NAT14: variants seen among roughly 807,000 people sequenced by gnomAD.
NAT14 encodes probable N-acetyltransferase 14.
In NAT14, 14 loss-of-function variants were observed where a neutral mutation model predicts 12.1. The observed-to-expected ratio is 1.16, with a 90% confidence interval of 0.76 to 1.81. The LOEUF (loss-of-function observed/expected upper bound fraction) is 1.81. Ranked by LOEUF, NAT14 falls within the 40% of genes most tolerant of loss-of-function variation. The pLI is 0.00. For missense variants in NAT14, 341 were observed against 304.3 expected (o/e 1.12, Z -0.90); for synonymous variants, 156 against 145.1 (o/e 1.08, Z -0.54).
rs1263182203 is a variant in NAT14, at chr19:55,486,893, G to C, written c.558G>C (p.Gln186His). The C allele has an allele frequency of 6.5e-7, 1 of 1,549,452 alleles. No homozygotes were observed. Among genetic ancestry groups the C allele is most frequent in the Non-Finnish European group, 8.7e-7 (1 of 1,155,170 alleles). Residue 186 changes from glutamine to histidine, a missense_variant, in exon 3 of 3, where the codon CAG becomes CAC. Physicochemically the swap from Gln to His is conservative, Grantham distance 24. Coordinates refer to ENST00000205194, the MANE Select transcript of NAT14 (RefSeq NM_020378.4). ...GGATGCTGGAGGGCTGTGGCTACCAGGCCGAGGGGGGCTGGGGCTGCCTGG... is the reference window on the plus strand; with the variant it reads ...GGATGCTGGAGGGCTGTGGCTACCACGCCGAGGGGGGCTGGGGCTGCCTGG... ...VGGMLEGCGY[Q>H]AEGGWGCLGY...
Position 55,486,696 on chromosome 19 carries a change from G to T in NAT14, c.361G>T (p.Asp121Tyr). ...LALAPGTNAG[D>Y]GARVTRLSVS... ...TCTGGCCCCTGGCACAAATGCAGGG[G>T]ACGGGGCCCGGGTCACCCGCCTGTC... is the stretch of plus-strand genomic sequence containing the variant. Residue 121 changes from aspartate to tyrosine, a missense_variant, in exon 3 of 3, where the codon GAC becomes TAC. Coordinates refer to ENST00000205194, the MANE Select transcript of NAT14 (RefSeq NM_020378.4). The T allele has an allele frequency of 7.0e-7, 1 of 1,428,934 alleles. No individual in the cohort carries two copies. Among genetic ancestry groups the T allele is most frequent in the Non-Finnish European group, 9.1e-7 (1 of 1,102,854 alleles). 88.5% of individuals were successfully genotyped at this position (1,428,934 alleles called of 1,614,324 possible).
At position 55,486,735 on chromosome 19, in the gene NAT14, C is replaced by A; in HGVS notation, c.400C>A (p.His134Asn). 7.1e-7 allele frequency: 1 copy of A among 1,414,832 alleles called. No individual in the cohort carries two copies. The highest frequency in any genetic ancestry group is 1.5e-5 in the African/African-American group (1 of 65,840). The allele number at this position is 1,414,832 out of a possible 1,614,324, so 87.6% of individuals were successfully genotyped here. Residue 134 changes from histidine to asparagine, a missense_variant, in exon 3 of 3, where the codon CAC becomes AAC. Physicochemically the swap from His to Asn is moderately conservative, Grantham distance 68. Transcript: ENST00000205194. ...RVTRLSVSRWHRRRGVGRRLL... is the reference protein window; with the variant it reads ...RVTRLSVSRWNRRRGVGRRLL... Reference sequence around the variant, plus strand: ...CACCCGCCTGTCTGTCTCTCGCTGGCACCGCCGCCGGGGCGTGGGCAGGAG... The same window carrying A: ...CACCCGCCTGTCTGTCTCTCGCTGGAACCGCCGCCGGGGCGTGGGCAGGAG...
chr19:55,487,408 C>T lies in NAT14; in HGVS notation c.*452C>T. 2.5e-6 allele frequency: 1 copy of T among 404,708 alleles called. No individual in the cohort carries two copies. Among genetic ancestry groups the T allele is most frequent in the East Asian group, 3.6e-5 (1 of 28,104 alleles). The allele number at this position is 404,708 out of a possible 1,614,324, so 25.1% of individuals were successfully genotyped here. A position where few individuals can be genotyped will look rare whatever the true frequency, so the allele number is the denominator to read the frequency against. Reference sequence around the variant, plus strand: ...ACCTGGATTGGGTCAGATGCCTGTCCTTGGAGGGGACAAGGTTGACTGCTT... The same window carrying T: ...ACCTGGATTGGGTCAGATGCCTGTCTTTGGAGGGGACAAGGTTGACTGCTT... On this transcript the variant is annotated 3_prime_UTR_variant, in exon 3 of 3. Transcript: ENST00000205194.
intron 2 of NAT14, chr19:55,486,095 A>C (rs1398561138): frequency 3.6e-6 from 2 of 553,718 alleles, no homozygotes; most frequent in Admixed American, 6.4e-5. Flanking sequence ...CAGCACCCCA[A>C]CCTAGCCCAG....
chr19:55,486,356 G>C, intron 2 of NAT14, 52 bp from the exon 3 acceptor site: 2 of 1,399,322 alleles, frequency 1.4e-6, no homozygotes, highest in Non-Finnish European at 1.8e-6. Flanking sequence ...TCCTCTCTTT[G>C]TCCAGGAGGC....
Position 55,486,799 on chromosome 19 carries a change from C to A in NAT14, c.464C>A (p.Ala155Asp). The stretch of plus-strand genomic sequence containing the variant: ...GCGGAGGCCCGGGCTCGGGCCTGGG[C>A]TGGGGGCATGGGGGAGCCCCGGGCC... ...AFAEARARAW[A>D]GGMGEPRARL... The change falls in exon 3 of 3, where the codon GCT (alanine) becomes GAT (aspartate). Residue 155 changes from alanine to aspartate, a missense_variant. Physicochemically the swap from Ala to Asp is moderately radical, Grantham distance 126. Coordinates refer to ENST00000205194, the MANE Select transcript of NAT14 (RefSeq NM_020378.4). The A allele has an allele frequency of 6.8e-7, 1 of 1,478,682 alleles. No individual in the cohort carries two copies. Among genetic ancestry groups the A allele is most frequent in the Non-Finnish European group, 8.9e-7 (1 of 1,122,528 alleles). The allele number at this position is 1,478,682 out of a possible 1,614,324, so 91.6% of individuals were successfully genotyped here.
intron 2 of NAT14, 57 bp downstream of exon 2, chr19:55,485,837 T>C: frequency 7.5e-7 from 1 of 1,325,044 alleles, no homozygotes. Context: ...GAATTGCAAG[T>C]GGATTCAGCC....
chr19:55,486,646 C>G lies in NAT14; in HGVS notation c.311C>G (p.Ser104Cys). The G allele has an allele frequency of 6.6e-7, 1 of 1,505,102 alleles. No individual in the cohort carries two copies. Among genetic ancestry groups the G allele is most frequent in the Non-Finnish European group, 8.8e-7 (1 of 1,137,538 alleles). The allele number at this position is 1,505,102 out of a possible 1,614,324, so 93.2% of individuals were successfully genotyped here. A position where few individuals can be genotyped will look rare whatever the true frequency, so the allele number is the denominator to read the frequency against. Residue 104 changes from serine (S) to cysteine (C), a missense_variant, in exon 3 of 3, where the codon TCC becomes TGC. Ser to Cys is a moderately radical substitution (Grantham distance 112). Transcript: ENST00000205194. ...LGGPWVAVRGSGDVCGVLALA... is the reference protein window; with the variant it reads ...LGGPWVAVRGCGDVCGVLALA... ...GGCCCCTGGGTGGCCGTGCGGGGCT[C>G]CGGTGACGTGTGTGGGGTCCTGGCT...
rs1354894715 is a variant in NAT14, at chr19:55,486,709, T to TCA, written c.376_377dup (p.Arg127ProfsTer74). ...ACAAATGCAGGGGACGGGGCCCGGGTCACCCGCCTGTCTGTCTCTCGCTGG... is the reference window on the plus strand; with the variant it reads ...ACAAATGCAGGGGACGGGGCCCGGGTCACACCCGCCTGTCTGTCTCTCGCTGG... On this transcript the variant is annotated frameshift_variant, in exon 3 of 3. Coordinates refer to ENST00000205194, the MANE Select transcript of NAT14 (RefSeq NM_020378.4). LOFTEE classifies it high-confidence loss of function. 2 of 1,417,058 alleles carry TCA rather than the reference T, an allele frequency of 1.4e-6. No homozygotes were observed. Among genetic ancestry groups the TCA allele is most frequent in the African/African-American group, 3.0e-5 (2 of 65,664 alleles). 87.8% of individuals were successfully genotyped at this position (1,417,058 alleles called of 1,614,324 possible).
At chr19:55,486,207 C>A in intron 2 of NAT14, 3 of 696,436 alleles carry the variant, frequency 4.3e-6, no homozygotes, top group Non-Finnish European at 6.6e-6. Context: ...GCCCCCACAG[C>A]TCCTAATTCA....
Position 55,485,270 on chromosome 19 carries a change from T to C in NAT14, c.-49+12T>C, listed in dbSNP as rs372946989. On this transcript the variant is annotated intron_variant, in intron 1 of 2. Coordinates refer to ENST00000205194, the MANE Select transcript of NAT14 (RefSeq NM_020378.4). ...GGCGACCGGTGCAGGTGCTTGCTGG[T>C]CCTTGTTCTTGTGGCGCGGGACGGG... 1.2e-3 allele frequency: 198 copies of C among 169,904 alleles called. 2 individuals carry two copies. The highest frequency in any genetic ancestry group is 4.4e-3 in the African/African-American group (185 of 42,238). The allele number at this position is 169,904 out of a possible 1,614,324, so 10.5% of individuals were successfully genotyped here.
Position 55,486,585 on chromosome 19 carries a change from C to G in NAT14, c.250C>G (p.Arg84Gly), listed in dbSNP as rs745548626. Residue 84 changes from arginine to glycine, a missense_variant, in exon 3 of 3, where the codon CGA becomes GGA. Transcript: ENST00000205194. The stretch of plus-strand genomic sequence containing the variant: ...CGCCGTGAAGCTGGGCCTGCGGGCC[C>G]GATGGGGCTCGCTGCCTCCGCCGGG... The part of the protein sequence containing the change: ...VAAVKLGLRA[R>G]WGSLPPPGGL... The G allele has an allele frequency of 2.5e-6, 4 of 1,571,446 alleles. No individual in the cohort carries two copies. The Admixed American group carries it at 7.1e-5, about 28-fold the overall frequency.
chr19:55,485,612 TG>T, intron 1 of NAT14, 48 bp from the exon 2 acceptor site: 1 of 1,021,402 alleles, frequency 9.8e-7, no homozygotes, highest in East Asian at 2.6e-5. Context: ...GGGGGAGCTT[TG>T]GGGACAGAGG....
rs778131247 is a variant in NAT14 at position 55,486,654 on chromosome 19, G to A, written c.319G>A (p.Val107Met). 3.4e-6 allele frequency: 5 copies of A among 1,490,198 alleles called. No individual in the cohort carries two copies. The highest frequency in any genetic ancestry group is 4.4e-6 in the Non-Finnish European group (5 of 1,131,152). 92.3% of individuals were successfully genotyped at this position (1,490,198 alleles called of 1,614,324 possible). Residue 107 changes from valine to methionine, a missense_variant, in exon 3 of 3, where the codon GTG (valine) becomes ATG (methionine). Transcript: ENST00000205194. ...GGTGGCCGTGCGGGGCTCCGGTGAC[G>A]TGTGTGGGGTCCTGGCTCTGGCCCC... Reference protein sequence around the residue: ...PWVAVRGSGDVCGVLALAPGT... With the variant: ...PWVAVRGSGDMCGVLALAPGT...
chr19:55,486,192 T>G, intron 2 of NAT14: 2 of 635,048 alleles, frequency 3.1e-6, no homozygotes, highest in East Asian at 6.0e-5. Context: ...GCTACTGAAT[T>G]GAGTGCCCCC....
Position 55,487,098 on chromosome 19 carries a change from GGGAGGAGCCT to G in NAT14, c.*145_*154del. Reference sequence around the variant, plus strand: ...GGCCCAGAAACAGAGGCCTGCCGAGGGGAGGAGCCTGGCCTCTGTCCACCCGTCAGCAGTG... The same window carrying G: ...GGCCCAGAAACAGAGGCCTGCCGAGGGGCCTCTGTCCACCCGTCAGCAGTG... On this transcript the variant is annotated 3_prime_UTR_variant, in exon 3 of 3. Transcript: ENST00000205194. 3 of 1,310,546 alleles carry G rather than the reference GGGAGGAGCCT, an allele frequency of 2.3e-6. No individual in the cohort carries two copies. The highest frequency in any genetic ancestry group is 3.0e-6 in the Non-Finnish European group (3 of 996,488). The allele number at this position is 1,310,546 out of a possible 1,614,324, so 81.2% of individuals were successfully genotyped here. A position where few individuals can be genotyped will look rare whatever the true frequency, so the allele number is the denominator to read the frequency against.
Position 55,485,736 on chromosome 19 carries a change from GAGATGAGGGA to G in NAT14, c.36_45del (p.Glu13SerfsTer8), listed in dbSNP as rs777070927. 16 of 1,551,144 alleles carry G rather than the reference GAGATGAGGGA, an allele frequency of 1.0e-5. No homozygotes were observed. Among genetic ancestry groups the G allele is most frequent in the Non-Finnish European group, 1.4e-5 (16 of 1,146,752 alleles). On this transcript the variant is annotated frameshift_variant, in exon 2 of 3. Coordinates refer to ENST00000205194, the MANE Select transcript of NAT14 (RefSeq NM_020378.4). LOFTEE classifies it high-confidence loss of function. ...GGCCCCCAGCCACCTGTCAGTGCGG[GAGATGAGGGA>G]AGATGAGAAGCCCCTGGTGCTGGAG... is the stretch of plus-strand genomic sequence containing the variant.
intron 2 of NAT14, 128 bp downstream of exon 2, chr19:55,485,908 C>A: frequency 5.4e-6 from 4 of 741,964 alleles, no homozygotes; most frequent in South Asian, 1.6e-5. Flanking sequence ...TCCTCCTGAG[C>A]CTCAGCCGCC....
rs1166160703 is a variant in NAT14 at position 55,486,501 on chromosome 19, C to T, written c.166C>T (p.Arg56Cys). Residue 56 changes from arginine (R) to cysteine (C), a missense_variant, in exon 3 of 3, where the codon CGC becomes TGC. Arg to Cys is a radical substitution (Grantham distance 180, BLOSUM62 -3). Coordinates refer to ENST00000205194, the MANE Select transcript of NAT14 (RefSeq NM_020378.4). ...CCTGGCGGCGGCCAGCAGCGGCCTG[C>T]GCTTTGTCCTGGCTTCCTTCGCCCT... is the stretch of plus-strand genomic sequence containing the variant. Reference protein sequence around the residue: ...LLLAAASSGLRFVLASFALAL... With the variant: ...LLLAAASSGLCFVLASFALAL... 11 of 1,578,824 alleles carry T rather than the reference C, an allele frequency of 7.0e-6. No individual in the cohort carries two copies. The highest frequency in any genetic ancestry group is 2.7e-5 in the African/African-American group (2 of 72,798).
Sources: gnomAD v4.1 joint callset for allele counts on GRCh38, gnomAD v4.1.1 for gene constraint, MANE v1.5 for transcripts, NCBI Gene and HGNC (gene_info 2026-07-23, HGNC 2026-07-21) for gene names.